The following EYA4 variants were observed in gnomAD, a reference collection of about 807,000 sequenced individuals.
EYA4 encodes the protein protein phosphatase EYA4.
Under a neutral mutation model 87.9 loss-of-function variants are expected in EYA4, and 31 were observed. The observed-to-expected ratio is 0.35, with a 90% CI of 0.27 to 0.48. EYA4 has a LOEUF of 0.48. Ranked by LOEUF, EYA4 falls within the 20% of genes least tolerant of loss-of-function variation. The pLI is 0.99. For synonymous variants in EYA4, 263 were observed against 270.6 expected (o/e 0.97, Z 0.28); for missense variants, 678 against 761.4 (o/e 0.89, Z 1.29).
chr6:133,350,632 G>A (rs1278444660), intron 2 of EYA4, among the ~76,000 whole-genome samples: 1 of 152,062 alleles, frequency 6.6e-6, no homozygotes. Flanking sequence ...GCTGAGGTGG[G>A]TGAAGTTAGG....
chr6:133,395,465 G>A (rs1162313623), intron 3 of EYA4, among the ~76,000 whole-genome samples: 1 of 152,054 alleles, frequency 6.6e-6, no homozygotes, highest in Non-Finnish European at 1.5e-5. Context: ...CAAATCTAAG[G>A]AAGACCTCTA....
Position 133,431,072 on chromosome 6 carries a change from A to G in EYA4, c.84-15558A>G, listed in dbSNP as rs1057102341. ...TCAAGTGCAGAGGTCCTCACCTGGGAACACATTGGGTGTGTTTGACAAACA... is the reference window on the plus strand; with the variant it reads ...TCAAGTGCAGAGGTCCTCACCTGGGGACACATTGGGTGTGTTTGACAAACA... On this transcript the variant is annotated intron_variant, in intron 3 of 19. Coordinates refer to ENST00000355286, the MANE Select transcript of EYA4 (RefSeq NM_004100.5). Among the ~76,000 whole-genome samples the G allele has an allele frequency of 3.3e-5, 5 of 152,308 alleles. No homozygotes were observed. The East Asian group carries it at 9.6e-4, about 29-fold the overall frequency.
intron 2 of EYA4, among the ~76,000 whole-genome samples, chr6:133,375,338 A>T (rs923399715): frequency 6.6e-6 from 1 of 152,020 alleles, no homozygotes; most frequent in African/African-American, 2.4e-5. Context: ...GGATATGAGT[A>T]TATATTTTCT....
chr6:133,468,378 A>C (rs1178560358), intron 10 of EYA4, among the ~76,000 whole-genome samples, 188 bp from the exon 11 acceptor site: 1 of 152,070 alleles, frequency 6.6e-6, no homozygotes, highest in Non-Finnish European at 1.5e-5. Flanking sequence ...AGGGTATTTC[A>C]CTACTATATG....
chr6:133,253,649 A>G (rs951599970), intron 1 of EYA4, among the ~76,000 whole-genome samples: 2 of 152,072 alleles, frequency 1.3e-5, no homozygotes, highest in African/African-American at 4.8e-5. Context: ...CTACCTGGAC[A>G]AAATAATAAT....
intron 2 of EYA4, among the ~76,000 whole-genome samples, chr6:133,301,206 A>G (rs933037572): frequency 6.6e-6 from 1 of 152,232 alleles, no homozygotes; most frequent in African/African-American, 2.4e-5. Context: ...TTGATAAGAA[A>G]TTTTAAACAT....
intron 3 of EYA4, among the ~76,000 whole-genome samples, chr6:133,406,555 C>T (rs971484445): frequency 9.9e-5 from 15 of 152,190 alleles, no homozygotes; most frequent in African/African-American, 3.6e-4. Flanking sequence ...TGTGAATTCT[C>T]TTCATTAAAA....
chr6:133,461,023 C>A, intron 6 of EYA4, 91 bp from the exon 7 acceptor site: 1 of 866,014 alleles, frequency 1.2e-6, no homozygotes, highest in East Asian at 2.4e-5. Flanking sequence ...ATGTATTTAA[C>A]ATGGTAATTT....
intron 3 of EYA4, among the ~76,000 whole-genome samples, chr6:133,430,228 T>C (rs894499443): frequency 6.6e-6 from 1 of 152,224 alleles, no homozygotes; most frequent in Non-Finnish European, 1.5e-5. Context: ...CATGTCCTTT[T>C]CAGAAATATT....
At chr6:133,274,241 G>A (rs1776981893) in intron 1 of EYA4, among the ~76,000 whole-genome samples, 1 of 152,082 alleles carries the variant, frequency 6.6e-6, no homozygotes, top group South Asian at 2.1e-4. Context: ...TTTAAAAAGT[G>A]AAGAGTAATT....
At chr6:133,284,991 T>A (rs1029729608) in intron 2 of EYA4, among the ~76,000 whole-genome samples, 2 of 151,212 alleles carry the variant, frequency 1.3e-5, no homozygotes, top group African/African-American at 4.9e-5. Context: ...GTTTTTTGTT[T>A]TTTTTTTTGT....
chr6:133,484,294 C>T (rs768666232), intron 13 of EYA4, among the ~76,000 whole-genome samples: 7 of 152,192 alleles, frequency 4.6e-5, no homozygotes, highest in Non-Finnish European at 8.8e-5. Context: ...GTCTTCATAG[C>T]ATTCCATTAT....
intron 3 of EYA4, among the ~76,000 whole-genome samples, chr6:133,403,941 C>T (rs1043087369): frequency 2.0e-5 from 3 of 152,056 alleles, no homozygotes; most frequent in Admixed American, 6.5e-5. Context: ...CTCACGAGTA[C>T]GTGGGATTAC....
chr6:133,415,274 T>A (rs529785502), intron 3 of EYA4, among the ~76,000 whole-genome samples: 3 of 152,230 alleles, frequency 2.0e-5, no homozygotes, highest in South Asian at 4.1e-4. Context: ...GTGAAGCGAG[T>A]CTTTTTACCT....
Position 133,529,633 on chromosome 6 carries a change from A to G in EYA4, c.*828A>G, listed in dbSNP as rs1800892364. ...CAGCAAGAAACTGAGTATTTTTTGC[A>G]ATAAGAAAACAACAATAATAAAGGA... On this transcript the variant is annotated 3_prime_UTR_variant, in exon 20 of 20. Coordinates refer to ENST00000355286, the MANE Select transcript of EYA4 (RefSeq NM_004100.5). 2 of 985,516 alleles carry G rather than the reference A, an allele frequency of 2.0e-6. No individual in the cohort carries two copies. Among genetic ancestry groups the G allele is most frequent in the Non-Finnish European group, 2.4e-6 (2 of 829,788 alleles). 61.0% of individuals were successfully genotyped at this position (985,516 alleles called of 1,614,324 possible). A position where few individuals can be genotyped will look rare whatever the true frequency, so the allele number is the denominator to read the frequency against.
At chr6:133,432,958 C>T (rs1791321980) in intron 3 of EYA4, among the ~76,000 whole-genome samples, 1 of 152,172 alleles carries the variant, frequency 6.6e-6, no homozygotes, top group Non-Finnish European at 1.5e-5. Context: ...CCCATCTACA[C>T]ACACCCATTA....
intron 3 of EYA4, among the ~76,000 whole-genome samples, chr6:133,413,631 C>T (rs1789444104): frequency 6.6e-6 from 1 of 152,054 alleles, no homozygotes. Context: ...ATGTTGCTTC[C>T]CAGTGTTCTA....
intron 13 of EYA4, among the ~76,000 whole-genome samples, chr6:133,494,663 C>T (rs1373379911): frequency 7.0e-6 from 1 of 143,744 alleles, no homozygotes; most frequent in East Asian, 2.0e-4. Flanking sequence ...CATAGTGAGA[C>T]CCTGCCTCTA....
chr6:133,372,098 T>C (rs1336527872), intron 2 of EYA4, among the ~76,000 whole-genome samples: 2 of 152,108 alleles, frequency 1.3e-5, no homozygotes, highest in Non-Finnish European at 2.9e-5. Context: ...TGAAATTAAC[T>C]GACTAAATTT....
Sources: gnomAD v4.1 joint callset for allele counts (sites outside exome capture counted in the v4.1 genomes callset) on GRCh38, gnomAD v4.1.1 for gene constraint, MANE v1.5 for transcripts, NCBI Gene and HGNC (gene_info 2026-07-23, HGNC 2026-07-21) for gene names.